Variants in AKT1 observed in about 807,000 individuals in gnomAD.
The protein encoded by AKT1 is RAC-alpha serine/threonine-protein kinase.
AKT1 carries 21 observed loss-of-function variants against 63.1 expected under a neutral mutation model. That is an observed-to-expected ratio of 0.33 (90% CI 0.24 to 0.48). The LOEUF (loss-of-function observed/expected upper bound fraction) is 0.48. Among genes scored for constraint, AKT1 ranks in the 20% least tolerant of loss-of-function variants. The probability of loss-of-function intolerance (pLI) is 0.99; values close to 1 mark genes in which losing one functional copy is unlikely to be tolerated. For missense variants in AKT1, 382 were observed against 666.0 expected (o/e 0.57, Z 4.69); for synonymous variants, 257 against 253.1 (o/e 1.02, Z -0.15).
rs767207905 is a variant in AKT1 at position 104,772,901 on chromosome 14, C to T, written c.1149G>A (p.Leu383=). ...GPEAKSLLSG[L]LKKDPKQRLG... ...ACCTCTGCTTGGGGTCCTTCTTGAG[C>T]AGCCCTGAAAGCAAGGACTTGGCCT... Residue 383 remains leucine (L), a synonymous_variant, in exon 12 of 15, where the codon CTG becomes CTA. Transcript: ENST00000649815. 3.7e-6 allele frequency: 6 copies of T among 1,612,180 alleles called. No homozygotes were observed. The Admixed American group carries it at 6.7e-5, about 18-fold the overall frequency.
At position 104,792,629 on chromosome 14, in the gene AKT1, A is replaced by G. The variant is rs1469878034; in HGVS notation, c.15T>C (p.Ala5=). The G allele has an allele frequency of 6.2e-7, 1 of 1,611,430 alleles. No individual in the cohort carries two copies. The highest frequency in any genetic ancestry group is 1.7e-5 in the Admixed American group (1 of 60,022). ...TGTGCAGCCAACCCTCCTTCACAAT[A>G]GCCACGTCGCTCATGGTGCCCGAGG... is the stretch of plus-strand genomic sequence containing the variant. The part of the protein sequence containing the change: MSDV[A]IVKEGWLHKR... Residue 5 remains alanine (A), a synonymous_variant, in exon 3 of 15, where the codon GCT becomes GCC. Transcript: ENST00000649815.
chr14:104,776,862 G>A (rs1037638904), intron 4 of AKT1, 92 bp from the exon 5 acceptor site: 55 of 1,028,742 alleles, frequency 5.3e-5, no homozygotes, highest in Middle Eastern at 2.5e-4. Flanking sequence ...AGCTCCCCTT[G>A]CATACCACCC....
At chr14:104,789,403 C>T (rs552941965) in intron 3 of AKT1, among the ~76,000 whole-genome samples, 3 of 152,328 alleles carry the variant, frequency 2.0e-5, no homozygotes, top group Non-Finnish European at 2.9e-5. Flanking sequence ...GGCTGGTGCA[C>T]GGCCCCAGGA....
chr14:104,793,060 T>G, intron 2 of AKT1, 67 bp downstream of exon 2: 16 of 279,876 alleles, frequency 5.7e-5, no homozygotes, highest in East Asian at 1.3e-4. Context: ...CACCTCCCCA[T>G]TCCCACCTCC....
At chr14:104,772,812 G>A in intron 12 of AKT1, 66 bp downstream of exon 12, 1 of 1,517,778 alleles carries the variant, frequency 6.6e-7, no homozygotes, top group South Asian at 1.2e-5. Context: ...CCTGGCGCAG[G>A]GGCAGGTGCA....
In AKT1 at chr14:104,781,210, A is replaced by G. The variant is rs36214560; in HGVS notation, c.47-994T>C. Among the ~76,000 whole-genome samples the G allele has an allele frequency of 7.0e-4, 106 of 151,686 alleles. 1 individual carries two copies. In the Middle Eastern group the frequency reaches 0.01, roughly 15 times the overall value. ...CAACAGGGAACTTACTAATTAGGCA[A>G]CTGCTTCATCTGAGGGGTCACTGGG... is the stretch of plus-strand genomic sequence containing the variant. On this transcript the variant is annotated intron_variant, in intron 3 of 14. Transcript: ENST00000649815.
Position 104,770,728 on chromosome 14 carries a change from A to G in AKT1, c.1363+17T>C. On this transcript the variant is annotated intron_variant, in intron 14 of 14. Coordinates refer to ENST00000649815, the MANE Select transcript of AKT1 (RefSeq NM_001382430.1). ...GAGAGAAAAGGGAGTGGGCGGGGGC[A>G]GGCAGTGGCCCCTCACCTTGGTCAG... 1 of 1,606,962 alleles carries G rather than the reference A, an allele frequency of 6.2e-7. No individual in the cohort carries two copies. Among genetic ancestry groups the G allele is most frequent in the Non-Finnish European group, 8.5e-7 (1 of 1,173,544 alleles).
chr14:104,769,991 T>C lies in AKT1; in HGVS notation c.*350A>G, dbSNP rs1438003719. 2.3e-6 allele frequency: 1 copy of C among 439,676 alleles called. No homozygotes were observed. Among genetic ancestry groups the C allele is most frequent in the Non-Finnish European group, 4.2e-6 (1 of 238,670 alleles). 27.2% of individuals were successfully genotyped at this position (439,676 alleles called of 1,614,324 possible). ...AGCCCAGGGCGGCTGGCTGACAGAGTGAGGGGACACATGGGCAGGACCTGC... is the reference window on the plus strand; with the variant it reads ...AGCCCAGGGCGGCTGGCTGACAGAGCGAGGGGACACATGGGCAGGACCTGC... On this transcript the variant is annotated 3_prime_UTR_variant, in exon 15 of 15. Coordinates refer to ENST00000649815, the MANE Select transcript of AKT1 (RefSeq NM_001382430.1).
chr14:104,772,188 C>T (rs1305300783), intron 13 of AKT1, 177 bp downstream of exon 13: 4 of 674,278 alleles, frequency 5.9e-6, no homozygotes, highest in African/African-American at 5.4e-5. Context: ...AGTGCCAGAG[C>T]CTCTGAGCAC....
intron 6 of AKT1, 28 bp downstream of exon 6, chr14:104,775,624 C>T (rs1482464077): frequency 6.2e-7 from 1 of 1,611,132 alleles, no homozygotes; most frequent in African/African-American, 1.3e-5. Context: ...CAGCCCCAGG[C>T]ACAGGCAGAA....
rs1020141122 is a variant in AKT1 at position 104,773,769 on chromosome 14, T to C, written c.702+143A>G. 11 of 1,202,222 alleles carry C rather than the reference T, an allele frequency of 9.1e-6. No homozygotes were observed. In the Admixed American group the frequency reaches 2.5e-4, roughly 27 times the overall value. The allele number at this position is 1,202,222 out of a possible 1,614,324, so 74.5% of individuals were successfully genotyped here. ...AACAAGTCACCCCACAGCAGGCAGC[T>C]GCCTGGGCAGGCATCACACCACCCA... On this transcript the variant is annotated intron_variant, in intron 9 of 14. Coordinates refer to ENST00000649815, the MANE Select transcript of AKT1 (RefSeq NM_001382430.1).
chr14:104,774,250 A>G (rs1892583995), intron 8 of AKT1: 2 of 511,850 alleles, frequency 3.9e-6, no homozygotes. Context: ...ACTGCCCCAC[A>G]CCACACTGCC....
At chr14:104,776,948 C>T (rs1450173708) in intron 4 of AKT1, 178 bp from the exon 5 acceptor site, 14 of 577,432 alleles carry the variant, frequency 2.4e-5, no homozygotes, top group Non-Finnish European at 4.0e-5. Context: ...GGCTAGGACC[C>T]CTGTTCCAGC....
At chr14:104,787,302 A>G (rs1409088665) in intron 3 of AKT1, among the ~76,000 whole-genome samples, 3 of 152,136 alleles carry the variant, frequency 2.0e-5, no homozygotes, top group Non-Finnish European at 4.4e-5. Context: ...CCTGGCCTGG[A>G]GCCCCAGGGC....
At chr14:104,772,567 G>A in intron 12 of AKT1, 115 bp from the exon 13 acceptor site, 1 of 1,054,396 alleles carries the variant, frequency 9.5e-7, no homozygotes, top group South Asian at 1.4e-5. Flanking sequence ...CGGGGCCAGG[G>A]AGGGGAGCCG....
intron 5 of AKT1, 161 bp from the exon 6 acceptor site, chr14:104,775,960 A>T: frequency 1.3e-6 from 1 of 773,222 alleles, no homozygotes; most frequent in Non-Finnish European, 2.0e-6. Flanking sequence ...GGCCACATAC[A>T]CTCAGGGTCA....
rs1892740105 is a variant in AKT1 at position 104,776,788 on chromosome 14, CTCTG to C, written c.176-22_176-19del. ...CTGGCACTCTGCGGGCAGGCAGAGC[CTCTG>C]TCTGCGTGCATCCCCCTGCCCCTCC... On this transcript the variant is annotated intron_variant, in intron 4 of 14. Transcript: ENST00000649815. 1.9e-6 allele frequency: 3 copies of C among 1,606,824 alleles called. No homozygotes were observed. Among genetic ancestry groups the C allele is most frequent in the Non-Finnish European group, 2.6e-6 (3 of 1,176,004 alleles).
At chr14:104,773,649 G>A in intron 9 of AKT1, 69 bp from the exon 10 acceptor site, 11 of 1,546,112 alleles carry the variant, frequency 7.1e-6, no homozygotes, top group Non-Finnish European at 9.6e-6. Flanking sequence ...CAGGGCTGGG[G>A]TTTCTCAGAC....
rs1893862036 is a variant in AKT1, at chr14:104,795,701, C to G, written c.-475G>C. ...CGCCTGCTCCCGTCTTCGGGCCGCG[C>G]TGCGTGCGCTGGGCCAGCCGCCTGC... On this transcript the variant is annotated 5_prime_UTR_variant, in exon 1 of 15. Coordinates refer to ENST00000649815, the MANE Select transcript of AKT1 (RefSeq NM_001382430.1). The surrounding 1 kb of genome is among the most constrained non-coding windows in gnomAD (Gnocchi z 5.1). 5 of 146,298 alleles carry G rather than the reference C, an allele frequency of 3.4e-5. No individual in the cohort carries two copies. In the South Asian group the frequency reaches 9.0e-4, roughly 26 times the overall value. 9.1% of individuals were successfully genotyped at this position (146,298 alleles called of 1,614,324 possible).
Sources: allele counts gnomAD v4.1 joint callset (sites outside exome capture counted in the v4.1 genomes callset), GRCh38; gene constraint gnomAD v4.1.1; non-coding constraint Gnocchi (gnomAD v3.1); transcripts MANE v1.5; gene names NCBI Gene and HGNC (gene_info 2026-07-23, HGNC 2026-07-21).